PARPBP: variants seen among roughly 807,000 people sequenced by gnomAD.
PARPBP encodes the protein PCNA-interacting partner.
PARPBP carries 52 observed loss-of-function variants against 50.0 expected under a neutral mutation model. That is an observed-to-expected ratio of 1.04 (90% confidence interval 0.83 to 1.31). The LOEUF (loss-of-function observed/expected upper bound fraction) is 1.31. Ranked by LOEUF, PARPBP falls within the 50% of genes most tolerant of loss-of-function variation. The pLI is 0.00. For synonymous variants in PARPBP, 244 were observed against 232.1 expected, an observed-to-expected ratio of 1.05 and a Z score of -0.47; for missense variants, 697 against 672.0, an observed-to-expected ratio of 1.04 and a Z score of -0.41.
Position 102,165,897 on chromosome 12 carries a change from A to G in PARPBP, c.821+14A>G, listed in dbSNP as rs1244129787. On this transcript the variant is annotated intron_variant, in intron 6 of 10. Transcript: ENST00000327680. ...ACCAAACCCAAGGTAATGACTTTTCATATATTACAAATATGTTTTTAATCT... is the reference window on the plus strand; with the variant it reads ...ACCAAACCCAAGGTAATGACTTTTCGTATATTACAAATATGTTTTTAATCT... The G allele has an allele frequency of 6.9e-7, 1 of 1,444,074 alleles. No homozygotes were observed. The highest frequency in any genetic ancestry group is 9.6e-7 in the Non-Finnish European group (1 of 1,040,034). The allele number at this position is 1,444,074 out of a possible 1,614,324, so 89.5% of individuals were successfully genotyped here. A position where few individuals can be genotyped will look rare whatever the true frequency, so the allele number is the denominator to read the frequency against.
intron 2 of PARPBP, among the ~76,000 whole-genome samples, chr12:102,139,605 T>TA (rs1231763335): frequency 3.3e-5 from 5 of 152,214 alleles, no homozygotes; most frequent in African/African-American, 1.2e-4. Flanking sequence ...TTCAGTATGA[T>TA]ATTGGCTGTG....
chr12:102,129,422 T>G (rs918195900), intron 2 of PARPBP, among the ~76,000 whole-genome samples: 6 of 152,236 alleles, frequency 3.9e-5, no homozygotes, highest in African/African-American at 1.4e-4. Context: ...ACTCTGCTGA[T>G]TGTTTCCTTG....
At chr12:102,155,641 C>G (rs975774483) in intron 4 of PARPBP, among the ~76,000 whole-genome samples, 2 of 147,030 alleles carry the variant, frequency 1.4e-5, no homozygotes, top group African/African-American at 5.0e-5. Context: ...CCCAGGCATT[C>G]GAGCAGGAAC....
intron 4 of PARPBP, among the ~76,000 whole-genome samples, chr12:102,158,035 G>T (rs1309643820): frequency 2.6e-5 from 4 of 150,988 alleles, no homozygotes; most frequent in Non-Finnish European, 5.9e-5. Flanking sequence ...CAGGAGAATG[G>T]CGTGAACCTG....
intron 6 of PARPBP, among the ~76,000 whole-genome samples, chr12:102,172,415 A>T (rs1888849483): frequency 6.6e-6 from 1 of 152,182 alleles, no homozygotes; most frequent in Admixed American, 6.5e-5. Flanking sequence ...GAACAGCATA[A>T]ATATCCTGAT....
chr12:102,122,574 T>C (rs902507710), intron 1 of PARPBP, among the ~76,000 whole-genome samples: 1 of 152,224 alleles, frequency 6.6e-6, no homozygotes, highest in African/African-American at 2.4e-5. Context: ...AAAAAACTTT[T>C]AGCAGGCATG....
At chr12:102,179,023 A>G (rs1211584017) in intron 8 of PARPBP, among the ~76,000 whole-genome samples, 3 of 152,126 alleles carry the variant, frequency 2.0e-5, no homozygotes, top group African/African-American at 7.2e-5. Flanking sequence ...TGCTTTGAAA[A>G]TATTTATTTC....
At chr12:102,125,894 C>A (rs915312670) in intron 2 of PARPBP, among the ~76,000 whole-genome samples, 1 of 152,194 alleles carries the variant, frequency 6.6e-6, no homozygotes, top group South Asian at 2.1e-4. Flanking sequence ...GGTCTAGAGG[C>A]TCTTTTTTAC....
chr12:102,169,158 C>A (rs925045317), intron 6 of PARPBP, among the ~76,000 whole-genome samples: 8 of 152,122 alleles, frequency 5.3e-5, no homozygotes, highest in African/African-American at 1.9e-4. Flanking sequence ...CCAGTGGTCA[C>A]TTGTGATCTT....
At chr12:102,191,671 A>G (rs1352971923) in intron 9 of PARPBP, among the ~76,000 whole-genome samples, 1 of 152,150 alleles carries the variant, frequency 6.6e-6, no homozygotes, top group Non-Finnish European at 1.5e-5. Context: ...GAACTTACTA[A>G]TAATTTCAAA....
At chr12:102,160,538 C>A (rs1887451685) in intron 4 of PARPBP, among the ~76,000 whole-genome samples, 1 of 152,144 alleles carries the variant, frequency 6.6e-6, no homozygotes, top group Non-Finnish European at 1.5e-5. Flanking sequence ...CAAAGGAATA[C>A]AAAGAATTGT....
chr12:102,148,851 T>A (rs1226082761), intron 3 of PARPBP: 1 of 164,320 alleles, frequency 6.1e-6, no homozygotes, highest in Non-Finnish European at 1.3e-5. Flanking sequence ...ACTTTTTCTA[T>A]GGATTAATAA....
intron 3 of PARPBP, among the ~76,000 whole-genome samples, chr12:102,153,644 A>C (rs1459824522): frequency 4.6e-5 from 7 of 151,862 alleles, no homozygotes; most frequent in Non-Finnish European, 8.8e-5. Context: ...CTGACCCTAA[A>C]CTCTTTCTTT....
At chr12:102,121,860 A>G (rs1255698484) in intron 1 of PARPBP, among the ~76,000 whole-genome samples, 1 of 152,062 alleles carries the variant, frequency 6.6e-6, no homozygotes, top group Non-Finnish European at 1.5e-5. Context: ...TTTTAACTCA[A>G]AACAACTTAG....
intron 3 of PARPBP, among the ~76,000 whole-genome samples, chr12:102,152,604 GTTA>G (rs1376024510): frequency 3.9e-5 from 6 of 152,226 alleles, no homozygotes; most frequent in Admixed American, 1.3e-4. Context: ...TCCTGTGACA[GTTA>G]TTATCTGGTT....
chr12:102,125,342 T>C (rs1483334095), intron 2 of PARPBP, among the ~76,000 whole-genome samples: 1 of 152,142 alleles, frequency 6.6e-6, no homozygotes, highest in Admixed American at 6.6e-5. Context: ...CAGAAAACAA[T>C]AAAACATGCG....
At chr12:102,175,711 A>G in intron 7 of PARPBP, 45 bp downstream of exon 7, 1 of 1,212,846 alleles carries the variant, frequency 8.2e-7, no homozygotes, top group South Asian at 1.7e-5. Flanking sequence ...ACAAATCATT[A>G]TCTCTTCTAT....
At chr12:102,180,237 A>G (rs557413588) in intron 8 of PARPBP, among the ~76,000 whole-genome samples, 38 of 152,210 alleles carry the variant, frequency 2.5e-4, no homozygotes, top group Non-Finnish European at 4.9e-4. Flanking sequence ...AAAGAAATAA[A>G]TGAACTTTTA....
intron 3 of PARPBP, among the ~76,000 whole-genome samples, chr12:102,151,180 G>A (rs941349294): frequency 6.6e-6 from 1 of 152,134 alleles, no homozygotes; most frequent in African/African-American, 2.4e-5. Flanking sequence ...ACGTATAAAT[G>A]TTAGGTACTT....
Sources: allele counts gnomAD v4.1 joint callset (sites outside exome capture counted in the v4.1 genomes callset), GRCh38; gene constraint gnomAD v4.1.1; transcripts MANE v1.5; gene names NCBI Gene and HGNC (gene_info 2026-07-23, HGNC 2026-07-21).